Variants in GPR137B observed in about 807,000 individuals in gnomAD.
GPR137B encodes the protein G protein-coupled receptor 137B.
GPR137B carries 42 observed loss-of-function variants against 42.5 expected under a neutral mutation model. That is an observed-to-expected ratio of 0.99 (90% CI 0.77 to 1.28). The LOEUF (loss-of-function observed/expected upper bound fraction) is 1.28. Ranked by LOEUF, GPR137B falls within the 50% of genes most tolerant of loss-of-function variation. The probability of loss-of-function intolerance (pLI) is 0.00; values close to 1 mark genes in which losing one functional copy is unlikely to be tolerated. For synonymous variants in GPR137B, 218 were observed against 209.7 expected (o/e 1.04, Z -0.34); for missense variants, 487 against 493.9 (o/e 0.99, Z 0.13).
chr1:236,147,339 C>T (rs1428263877), intron 1 of GPR137B, among the ~76,000 whole-genome samples: 1 of 152,226 alleles, frequency 6.6e-6, no homozygotes, highest in East Asian at 1.9e-4. Flanking sequence ...TGCCACGTGG[C>T]CATGTTGACA....
intron 5 of GPR137B, among the ~76,000 whole-genome samples, chr1:236,201,986 G>T (rs1329062149): frequency 6.6e-6 from 1 of 151,984 alleles, no homozygotes; most frequent in African/African-American, 2.4e-5. Context: ...GGGGCTTCCT[G>T]TGAGCCAGAC....
chr1:236,156,366 G>A lies in GPR137B; in HGVS notation c.415-12340G>A, dbSNP rs1173310834. ...AGGCACACCTTGGCTTCAGGCCACCGCCTCCCAGAACTTTATGGCATGGAC... is the reference window on the plus strand; with the variant it reads ...AGGCACACCTTGGCTTCAGGCCACCACCTCCCAGAACTTTATGGCATGGAC... On this transcript the variant is annotated intron_variant, in intron 1 of 6. Coordinates refer to ENST00000366592, the MANE Select transcript of GPR137B (RefSeq NM_003272.4). The surrounding 1 kb of genome is among the most constrained non-coding windows in gnomAD (Gnocchi z 4.8). Among the ~76,000 whole-genome samples, 5 of 152,194 alleles carry A rather than the reference G, an allele frequency of 3.3e-5. No individual in the cohort carries two copies. Among genetic ancestry groups the A allele is most frequent in the South Asian group, 2.1e-4 (1 of 4,832 alleles).
intron 1 of GPR137B, among the ~76,000 whole-genome samples, chr1:236,147,950 C>T (rs775095763): frequency 1.3e-5 from 2 of 152,234 alleles, no homozygotes; most frequent in Non-Finnish European, 2.9e-5. Flanking sequence ...GTCTGTCTGG[C>T]CCCAAATGTT....
At chr1:236,201,258 C>G (rs780950861) in intron 5 of GPR137B, among the ~76,000 whole-genome samples, 1 of 151,916 alleles carries the variant, frequency 6.6e-6, no homozygotes, top group Non-Finnish European at 1.5e-5. Context: ...CCTGACTGTG[C>G]CTGATCATCT....
intron 2 of GPR137B, among the ~76,000 whole-genome samples, chr1:236,169,043 G>A (rs1662445881): frequency 6.6e-6 from 1 of 152,248 alleles, no homozygotes. Flanking sequence ...AATAAAATAG[G>A]TGTATGTTGC....
chr1:236,180,010 G>T lies in GPR137B; in HGVS notation c.819G>T (p.Trp273Cys). Reference sequence around the variant, plus strand: ...GCGTCCATTCCTTTGATTATGACTGGTACAATGTATCAGACCAGGTCAGTG... The same window carrying T: ...GCGTCCATTCCTTTGATTATGACTGTTACAATGTATCAGACCAGGTCAGTG... The part of the protein sequence containing the change: ...NKSVHSFDYD[W>C]YNVSDQADLK... The change falls in exon 4 of 7, where the codon TGG (tryptophan) becomes TGT (cysteine). Residue 273 changes from tryptophan to cysteine, a missense_variant. Transcript: ENST00000366592. The T allele has an allele frequency of 6.2e-7, 1 of 1,613,558 alleles. No homozygotes were observed. Among genetic ancestry groups the T allele is most frequent in the Non-Finnish European group, 8.5e-7 (1 of 1,179,572 alleles).
Position 236,179,934 on chromosome 1 carries a change from CCT to C in GPR137B, c.747_748del (p.Arg250GlyfsTer20). ...GGTGTCACCGTGATACTGCTTTACA[CCT>C]CTCGGGCCTGCTACAACCTGTTCAT... On this transcript the variant is annotated frameshift_variant, in exon 4 of 7. Coordinates refer to ENST00000366592, the MANE Select transcript of GPR137B (RefSeq NM_003272.4). LOFTEE classifies it high-confidence loss of function. The C allele has an allele frequency of 1.2e-6, 2 of 1,611,090 alleles. No individual in the cohort carries two copies. Among genetic ancestry groups the C allele is most frequent in the Non-Finnish European group, 1.7e-6 (2 of 1,178,078 alleles).
In GPR137B at chr1:236,156,659, C is replaced by T. The variant is rs998474710; in HGVS notation, c.415-12047C>T. On this transcript the variant is annotated intron_variant, in intron 1 of 6. Coordinates refer to ENST00000366592, the MANE Select transcript of GPR137B (RefSeq NM_003272.4). The surrounding 1 kb of genome is among the most constrained non-coding windows in gnomAD (Gnocchi z 4.8). ...CGGGAACCCTGCAGAAAGGAGAACT[C>T]CGGTGTCTGGATTTCGGGGACCGAC... Among the ~76,000 whole-genome samples the T allele has an allele frequency of 6.6e-6, 1 of 152,204 alleles. No individual in the cohort carries two copies. The highest frequency in any genetic ancestry group is 2.4e-5 in the African/African-American group (1 of 41,452).
Position 236,183,802 on chromosome 1 carries a change from G to A in GPR137B, c.862G>A (p.Asp288Asn). 1 of 1,607,142 alleles carries A rather than the reference G, an allele frequency of 6.2e-7. No individual in the cohort carries two copies. Among genetic ancestry groups the A allele is most frequent in the Non-Finnish European group, 8.5e-7 (1 of 1,174,060 alleles). Residue 288 changes from aspartate to asparagine, a missense_variant, in exon 5 of 7, where the codon GAT (aspartate) becomes AAT (asparagine). Physicochemically the swap from Asp to Asn is conservative, Grantham distance 23. Transcript: ENST00000366592. ...DQADLKNQLG[D>N]AGYVLFGVVL... ...GGCAGATTTGAAGAATCAGCTGGGA[G>A]ATGCTGGATACGTATTATTTGGAGT...
chr1:236,166,288 T>C (rs73122903), intron 1 of GPR137B, among the ~76,000 whole-genome samples: 2,525 of 151,996 alleles, frequency 0.017, 69 homozygotes, highest in African/African-American at 0.058. Context: ...TAAGAGAGGT[T>C]GTTTGGTAAC....
intron 5 of GPR137B, among the ~76,000 whole-genome samples, chr1:236,187,752 A>AGGTAGCATGATGCC (rs1294965587): frequency 4.3e-5 from 3 of 69,134 alleles, no homozygotes; most frequent in African/African-American, 2.2e-4. Context: ...ATAGTTTGAA[A>AGGTAGCATGATGCC]TCAGGTAGCA....
intron 1 of GPR137B, among the ~76,000 whole-genome samples, chr1:236,147,061 G>A (rs936161706): frequency 9.9e-5 from 15 of 152,164 alleles, no homozygotes; most frequent in African/African-American, 3.4e-4. Context: ...TGCCTACCTC[G>A]GCTTCCCAAA....
rs1171264430 is a variant in GPR137B, at chr1:236,156,881, G to T, written c.415-11825G>T. On this transcript the variant is annotated intron_variant, in intron 1 of 6. Transcript: ENST00000366592. This position sits in a 1 kb window ranked among gnomAD's most constrained non-coding sequence, Gnocchi z 4.8. The stretch of plus-strand genomic sequence containing the variant: ...CGTCAGTGGTTCTTAACCTTTTTCA[G>T]TATGAAAGTTCCTTTTATGGTTAGG... Among the ~76,000 whole-genome samples the T allele has an allele frequency of 6.6e-6, 1 of 152,196 alleles. No individual in the cohort carries two copies. The highest frequency in any genetic ancestry group is 2.4e-5 in the African/African-American group (1 of 41,448).
intron 4 of GPR137B, among the ~76,000 whole-genome samples, chr1:236,181,764 AG>A (rs1662882526): frequency 6.6e-6 from 1 of 152,226 alleles, no homozygotes; most frequent in African/African-American, 2.4e-5. Flanking sequence ...GGCACTGCTA[AG>A]GGCGTGCACT....
chr1:236,160,514 G>C (rs1662156974), intron 1 of GPR137B, among the ~76,000 whole-genome samples: 1 of 152,008 alleles, frequency 6.6e-6, no homozygotes, highest in Admixed American at 6.6e-5. Context: ...CTCCCTGTCT[G>C]CCCTTCTCGG....
Position 236,148,272 on chromosome 1 carries a change from C to A in GPR137B, c.414+5236C>A, listed in dbSNP as rs193087478. Among the ~76,000 whole-genome samples, 6 of 152,310 alleles carry A rather than the reference C, an allele frequency of 3.9e-5. No homozygotes were observed. In the East Asian group the frequency reaches 1.2e-3, roughly 29 times the overall value. Reference sequence around the variant, plus strand: ...AAAGGCGGTAGCTTCTGTGCCCAGGCAGCTCCTGGGCAGACAGGTCTGTGC... The same window carrying A: ...AAAGGCGGTAGCTTCTGTGCCCAGGAAGCTCCTGGGCAGACAGGTCTGTGC... On this transcript the variant is annotated intron_variant, in intron 1 of 6. Transcript: ENST00000366592.
chr1:236,168,661 T>C (rs773197388), intron 1 of GPR137B, 45 bp from the exon 2 acceptor site: 1 of 1,502,740 alleles, frequency 6.7e-7, no homozygotes, highest in East Asian at 2.3e-5. Flanking sequence ...TCTGGTTCTG[T>C]CAACATATTG....
chr1:236,146,114 T>A (rs1413297278), intron 1 of GPR137B, among the ~76,000 whole-genome samples: 1 of 152,090 alleles, frequency 6.6e-6, no homozygotes, highest in African/African-American at 2.4e-5. Context: ...CACCTCGGCC[T>A]CCCAAAGTGC....
chr1:236,144,279 G>A (rs868659437), intron 1 of GPR137B, among the ~76,000 whole-genome samples: 4 of 152,110 alleles, frequency 2.6e-5, no homozygotes, highest in Non-Finnish European at 4.4e-5. Flanking sequence ...GCTGGGTGTG[G>A]TAGTGCCCGC....
Sources: gnomAD v4.1 joint callset for allele counts (sites outside exome capture counted in the v4.1 genomes callset) on GRCh38, gnomAD v4.1.1 for gene constraint, Gnocchi (gnomAD v3.1) non-coding constraint, MANE v1.5 for transcripts, NCBI Gene and HGNC (gene_info 2026-07-23, HGNC 2026-07-21) for gene names.